The following SLC2A9 variants were observed in gnomAD, a reference collection of about 807,000 sequenced individuals.
SLC2A9 encodes the protein solute carrier family 2 member 9.
In SLC2A9, 39 loss-of-function variants were observed where a neutral mutation model predicts 50.6. That is an observed-to-expected ratio of 0.77 (90% CI 0.60 to 1.01). The LOEUF (loss-of-function observed/expected upper bound fraction) is 1.01, where lower values mean the gene tolerates loss of function less well. Among genes scored for constraint, SLC2A9 ranks in the 50% least tolerant of loss-of-function variants. The pLI, the probability that SLC2A9 is intolerant of heterozygous loss-of-function variation, is 0.00. For synonymous variants in SLC2A9, 324 were observed against 276.9 expected (o/e 1.17, Z -1.69); for missense variants, 686 against 677.6 (o/e 1.01, Z -0.14).
At chr4:9,817,307 G>A (rs966022851) in intron 3 of SLC2A9, among the ~76,000 whole-genome samples, 1 of 152,196 alleles carries the variant, frequency 6.6e-6, no homozygotes, top group Non-Finnish European at 1.5e-5. Flanking sequence ...AAGGGGCCAT[G>A]ATGCTGCCTG....
chr4:9,970,346 G>A (rs1415900769), intron 5 of SLC2A9, among the ~76,000 whole-genome samples: 1 of 152,220 alleles, frequency 6.6e-6, no homozygotes, highest in Non-Finnish European at 1.5e-5. Flanking sequence ...CACAGGTTGA[G>A]AGAAGGTCTC....
At chr4:9,773,507 G>T (rs1396436399) in intron 1 of SLC2A9, among the ~76,000 whole-genome samples, 1 of 152,214 alleles carries the variant, frequency 6.6e-6, no homozygotes, top group Non-Finnish European at 1.5e-5. Flanking sequence ...GGGTCAATGA[G>T]TTCAAATAGA....
downstream of SLC2A9, among the ~76,000 whole-genome samples, chr4:9,774,885 G>A (rs369731453): frequency 6.6e-6 from 1 of 151,746 alleles, no homozygotes; most frequent in East Asian, 1.9e-4. Context: ...TAAGGAAAAT[G>A]ACCACCTGGA....
intron 10 of SLC2A9, chr4:9,880,240 T>C: frequency 1.0e-6 from 1 of 985,470 alleles, no homozygotes; most frequent in Non-Finnish European, 1.2e-6. Flanking sequence ...AATGTGAGTT[T>C]AAATGAAGCT....
chr4:9,791,498 G>A (rs1263383470), intron 3 of SLC2A9, among the ~76,000 whole-genome samples: 2 of 152,194 alleles, frequency 1.3e-5, no homozygotes, highest in South Asian at 2.1e-4. Flanking sequence ...TGATGCTGAA[G>A]GGGGAGGAGA....
chr4:9,906,506 G>T (rs1740689045), intron 8 of SLC2A9, among the ~76,000 whole-genome samples: 1 of 152,192 alleles, frequency 6.6e-6, no homozygotes, highest in Admixed American at 6.5e-5. Flanking sequence ...AACAAAAGCA[G>T]ATCAGAGCTC....
At chr4:9,854,372 T>G (rs1730420936) in intron 10 of SLC2A9, among the ~76,000 whole-genome samples, 1 of 151,966 alleles carries the variant, frequency 6.6e-6, no homozygotes, top group Non-Finnish European at 1.5e-5. Context: ...AACTGATAAA[T>G]TCCTGGAAAT....
At chr4:9,783,634 G>C (rs1718831058) in intron 3 of SLC2A9, 1 of 681,948 alleles carries the variant, frequency 1.5e-6, no homozygotes, top group Non-Finnish European at 2.5e-6. Context: ...TCGAAGAATT[G>C]GCAGAAGCAG....
chr4:9,821,994 A>G (rs965255961), downstream of SLC2A9, among the ~76,000 whole-genome samples: 3 of 152,184 alleles, frequency 2.0e-5, no homozygotes, highest in Admixed American at 2.0e-4. Context: ...TTTCATTTAA[A>G]GTTGTTGAAT....
intron 10 of SLC2A9, among the ~76,000 whole-genome samples, chr4:9,873,311 G>C (rs983906189): frequency 2.0e-5 from 3 of 152,192 alleles, no homozygotes; most frequent in Admixed American, 6.5e-5. Context: ...TTGTGGAATG[G>C]GGGTAAGTGA....
At chr4:9,892,989 TTTTACAG>T (rs1737808464) in intron 8 of SLC2A9, among the ~76,000 whole-genome samples, 3 of 152,214 alleles carry the variant, frequency 2.0e-5, no homozygotes, top group Non-Finnish European at 4.4e-5. Context: ...ATTTGCTCCA[TTTTACAG>T]GTAAAAGAAC....
intron 5 of SLC2A9, among the ~76,000 whole-genome samples, 169 bp from the exon 6 acceptor site, chr4:9,942,214 C>T (rs1355046361): frequency 2.6e-5 from 4 of 152,330 alleles, no homozygotes; most frequent in East Asian, 1.9e-4. Context: ...ACCAGTCCCA[C>T]GTATATAGCA....
intron 7 of SLC2A9, among the ~76,000 whole-genome samples, chr4:9,913,295 C>CTGTG (rs1362095176): frequency 8.1e-6 from 1 of 123,786 alleles, no homozygotes; most frequent in African/African-American, 3.0e-5. Context: ...TATGCATTTC[C>CTGTG]TGTGTGTTTG....
chr4:9,796,598 G>A (rs533354134), downstream of SLC2A9, among the ~76,000 whole-genome samples: 166 of 152,308 alleles, frequency 1.1e-3, 3 homozygotes, highest in African/African-American at 3.5e-3. Context: ...GCTTTGTTGT[G>A]ATGATGCTAC....
intron 10 of SLC2A9, among the ~76,000 whole-genome samples, chr4:9,886,605 C>G (rs1048018656): frequency 3.3e-5 from 5 of 152,068 alleles, no homozygotes; most frequent in Admixed American, 6.5e-5. Context: ...GCAATAGAAC[C>G]TGGAATGTAA....
downstream of SLC2A9, chr4:9,798,760 T>C (rs1720920387): frequency 6.6e-6 from 1 of 152,154 alleles, no homozygotes; most frequent in Non-Finnish European, 1.5e-5. Flanking sequence ...AGCATAAATG[T>C]GGAAATCCAA....
intron 10 of SLC2A9, among the ~76,000 whole-genome samples, chr4:9,865,082 G>A (rs1732237891): frequency 6.6e-6 from 1 of 152,268 alleles, no homozygotes; most frequent in Non-Finnish European, 1.5e-5. Context: ...GGTGGAGCCA[G>A]ACTGGTCTGA....
intron 8 of SLC2A9, among the ~76,000 whole-genome samples, chr4:9,906,786 C>A (rs1426245153): frequency 1.3e-5 from 2 of 152,118 alleles, no homozygotes; most frequent in African/African-American, 4.8e-5. Flanking sequence ...TTCCATTGCT[C>A]AAAGTAAAAA....
chr4:9,781,247 G>T (rs556567285), intron 3 of SLC2A9, among the ~76,000 whole-genome samples: 2 of 152,184 alleles, frequency 1.3e-5, no homozygotes, highest in Non-Finnish European at 2.9e-5. Flanking sequence ...CCTTAAAGTC[G>T]CAGAGCCAGG....
Sources: allele counts gnomAD v4.1 joint callset (sites outside exome capture counted in the v4.1 genomes callset), GRCh38; gene constraint gnomAD v4.1.1; transcripts MANE v1.5; gene names NCBI Gene and HGNC (gene_info 2026-07-23, HGNC 2026-07-21).